UBR2: variants seen among roughly 807,000 people sequenced by gnomAD.
UBR2 encodes the protein E3 ubiquitin-protein ligase UBR2.
Under a neutral mutation model 247.9 loss-of-function variants are expected in UBR2, and 92 were observed. That is an observed-to-expected ratio of 0.37 (90% CI 0.31 to 0.44). The LOEUF (loss-of-function observed/expected upper bound fraction) is 0.44, where lower values mean the gene tolerates loss of function less well. Ranked by LOEUF, UBR2 falls within the 20% of genes least tolerant of loss-of-function variation. The pLI, the probability that UBR2 is intolerant of heterozygous loss-of-function variation, is 1.00. For missense variants in UBR2, 1,613 were observed against 2,112.6 expected (o/e 0.76, Z 4.64); for synonymous variants, 672 against 693.5 (o/e 0.97, Z 0.49).
At chr6:42,676,673 C>A in intron 39 of UBR2, 110 bp from the exon 40 acceptor site, 1 of 859,744 alleles carries the variant, frequency 1.2e-6, no homozygotes, top group Non-Finnish European at 1.9e-6. Context: ...TCTAGGAATA[C>A]TTCATGTTAT....
At chr6:42,676,024 G>T (rs772005077) in intron 38 of UBR2, 32 bp from the exon 39 acceptor site, 1 of 1,557,396 alleles carries the variant, frequency 6.4e-7, no homozygotes, top group African/African-American at 1.4e-5. Context: ...AAGGAAAGGC[G>T]ATCTGTCTGA....
At chr6:42,626,042 C>T (rs1216278843) in intron 11 of UBR2, among the ~76,000 whole-genome samples, 1 of 151,780 alleles carries the variant, frequency 6.6e-6, no homozygotes, top group East Asian at 1.9e-4. Context: ...TCTCGATCTC[C>T]TGACCTCGTG....
chr6:42,591,381 T>C (rs1044457849), intron 2 of UBR2, among the ~76,000 whole-genome samples: 2 of 152,184 alleles, frequency 1.3e-5, no homozygotes, highest in Admixed American at 6.5e-5. Context: ...GGAACCAATA[T>C]AGATTTCTTA....
At chr6:42,574,677 T>C (rs1791381618) in intron 2 of UBR2, among the ~76,000 whole-genome samples, 1 of 149,574 alleles carries the variant, frequency 6.7e-6, no homozygotes, top group African/African-American at 2.5e-5. Flanking sequence ...TTTTCCCATA[T>C]ATCATTTCAG....
Position 42,691,378 on chromosome 6 carries a change from A to G in UBR2, c.*205A>G, listed in dbSNP as rs1799741810. 1 of 647,940 alleles carries G rather than the reference A, an allele frequency of 1.5e-6. No individual in the cohort carries two copies. Among genetic ancestry groups the G allele is most frequent in the African/African-American group, 1.8e-5 (1 of 54,562 alleles). 40.1% of individuals were successfully genotyped at this position (647,940 alleles called of 1,614,324 possible). On this transcript the variant is annotated 3_prime_UTR_variant, in exon 47 of 47. Coordinates refer to ENST00000372901, the MANE Select transcript of UBR2 (RefSeq NM_001363705.2). ...CTGTTTGCTGTGCCCCTCAAATATA[A>G]TGTCTTGGGTTTTAAGATCGAGCAA... is the stretch of plus-strand genomic sequence containing the variant.
intron 4 of UBR2, among the ~76,000 whole-genome samples, chr6:42,597,471 C>G (rs1209632564): frequency 6.6e-6 from 1 of 151,578 alleles, no homozygotes; most frequent in Non-Finnish European, 1.5e-5. Context: ...TGGCGTGCAC[C>G]TGTAGTCCCG....
chr6:42,684,189 C>G lies in UBR2; in HGVS notation c.4776-605C>G, dbSNP rs114725535. The stretch of plus-strand genomic sequence containing the variant: ...CCTTGGGAACTTTTGAAAAAATACT[C>G]AGGCCACTACCTACTGAATCTAATT... On this transcript the variant is annotated intron_variant, in intron 43 of 46. Coordinates refer to ENST00000372901, the MANE Select transcript of UBR2 (RefSeq NM_001363705.2). Among the ~76,000 whole-genome samples, 958 of 152,268 alleles carry G rather than the reference C, an allele frequency of 6.3e-3. 11 individuals are homozygous for G. Among genetic ancestry groups the G allele is most frequent in the African/African-American group, 0.022 (925 of 41,556 alleles).
Position 42,652,642 on chromosome 6 carries a change from A to G in UBR2, c.2766A>G (p.Gln922=), listed in dbSNP as rs752282028. The G allele has an allele frequency of 6.2e-7, 1 of 1,609,646 alleles. No individual in the cohort carries two copies. Among genetic ancestry groups the G allele is most frequent in the East Asian group, 2.2e-5 (1 of 44,692 alleles). The change falls in exon 25 of 47, where the codon CAA becomes CAG. Residue 922 remains glutamine, a synonymous_variant. Transcript: ENST00000372901. ...ATGCCTGGTCAGAGTCCATGCTGCA[A>G]AGGGTAGGTTTGAAGACATTTATTA... ...NGYAWSESML[Q]RVLHLIGMAL...
At position 42,652,031 on chromosome 6, in the gene UBR2, A is replaced by C; in HGVS notation, c.2574A>C (p.Glu858Asp). The change falls in exon 24 of 47, where the codon GAA becomes GAC. Residue 858 changes from glutamate to aspartate, a missense_variant. Physicochemically the swap from Glu to Asp is conservative, Grantham distance 45. Transcript: ENST00000372901. ...ACTTTATTTTTTATTAGGCAGAAGA[A>C]GCGCAACGGAAATTGAAAAGACAAA... ...FSRAEQSKAE[E>D]AQRKLKRQNR... 1 of 1,595,572 alleles carries C rather than the reference A, an allele frequency of 6.3e-7. No individual in the cohort carries two copies. The highest frequency in any genetic ancestry group is 8.5e-7 in the Non-Finnish European group (1 of 1,173,496).
At chr6:42,653,332 C>G (rs568715216) in intron 25 of UBR2, among the ~76,000 whole-genome samples, 2 of 152,324 alleles carry the variant, frequency 1.3e-5, no homozygotes, top group South Asian at 2.1e-4. Flanking sequence ...ATCCTCCCCC[C>G]TCGGCCTCCC....
chr6:42,598,221 G>GA (rs1044226224), intron 4 of UBR2, among the ~76,000 whole-genome samples: 2 of 152,000 alleles, frequency 1.3e-5, no homozygotes, highest in African/African-American at 4.8e-5. Flanking sequence ...TTAAATAGTT[G>GA]AAAAAAATCA....
chr6:42,606,656 GTAAT>G lies in UBR2; in HGVS notation c.864+7_864+10del. The G allele has an allele frequency of 1.3e-6, 2 of 1,596,382 alleles. No homozygotes were observed. Among genetic ancestry groups the G allele is most frequent in the South Asian group, 2.3e-5 (2 of 86,972 alleles). ...CAAGCAAAATCAGTAATTGTGGTAAGTAATTTAAAAACATGCTTATATTATTTTT... is the reference window on the plus strand; with the variant it reads ...CAAGCAAAATCAGTAATTGTGGTAAGTTAAAAACATGCTTATATTATTTTT... On this transcript the variant is annotated splice_donor_region_variant and intron_variant, in intron 7 of 46. Coordinates refer to ENST00000372901, the MANE Select transcript of UBR2 (RefSeq NM_001363705.2).
chr6:42,584,284 C>T (rs1340771438), intron 2 of UBR2, among the ~76,000 whole-genome samples: 1 of 152,190 alleles, frequency 6.6e-6, no homozygotes, highest in African/African-American at 2.4e-5. Context: ...GCGTGAGCCA[C>T]CTGCACCTGG....
chr6:42,569,221 A>G (rs1233064024), intron 1 of UBR2, among the ~76,000 whole-genome samples: 5 of 152,214 alleles, frequency 3.3e-5, no homozygotes, highest in African/African-American at 1.2e-4. Flanking sequence ...TATGTTAACT[A>G]TTTTGAAGAA....
chr6:42,598,216 T>C (rs1793124373), intron 4 of UBR2, among the ~76,000 whole-genome samples: 1 of 152,158 alleles, frequency 6.6e-6, no homozygotes, highest in Non-Finnish European at 1.5e-5. Flanking sequence ...TGTTTTTAAA[T>C]AGTTGAAAAA....
intron 11 of UBR2, among the ~76,000 whole-genome samples, chr6:42,627,653 A>G (rs772187925): frequency 1.3e-5 from 2 of 151,562 alleles, no homozygotes; most frequent in African/African-American, 2.4e-5. Flanking sequence ...GTGCGCCACT[A>G]CACACCTGGC....
In UBR2 at chr6:42,592,607, A is replaced by T. The variant is rs148024293; in HGVS notation, c.417+378A>T. Reference sequence around the variant, plus strand: ...GCTGTAATGCTGTCAGTACTTTTCAAAATTCAGGTATGTTTGTTTGCTTTT... The same window carrying T: ...GCTGTAATGCTGTCAGTACTTTTCATAATTCAGGTATGTTTGTTTGCTTTT... On this transcript the variant is annotated intron_variant, in intron 3 of 46. Transcript: ENST00000372901. 5.1e-4 allele frequency among the ~76,000 whole-genome samples: 77 copies of T among 152,278 alleles called. 2 individuals are homozygous for T. The East Asian group carries it at 8.1e-3, about 16-fold the overall frequency.
Position 42,648,099 on chromosome 6 carries a change from T to A in UBR2, c.2410-19T>A, listed in dbSNP as rs765747815. 4 of 1,610,384 alleles carry A rather than the reference T, an allele frequency of 2.5e-6. No individual in the cohort carries two copies. In the South Asian group the frequency reaches 3.3e-5, roughly 13 times the overall value. On this transcript the variant is annotated intron_variant, in intron 21 of 46. Coordinates refer to ENST00000372901, the MANE Select transcript of UBR2 (RefSeq NM_001363705.2). ...TAGTTATTATTAACATGAAACACAC[T>A]TGTGTCCTGTACCTTTAGGAGAACA...
At chr6:42,669,970 A>G (rs564301430) in intron 34 of UBR2, 122 bp from the exon 35 acceptor site, 109 of 1,213,548 alleles carry the variant, frequency 9.0e-5, no homozygotes, top group African/African-American at 6.9e-4. Flanking sequence ...ACTGCATACA[A>G]TTATCTCTGG....
Sources: gnomAD v4.1 joint callset for allele counts (sites outside exome capture counted in the v4.1 genomes callset) on GRCh38, gnomAD v4.1.1 for gene constraint, MANE v1.5 for transcripts, NCBI Gene and HGNC (gene_info 2026-07-23, HGNC 2026-07-21) for gene names.